Variants in ASPRV1 observed in about 807,000 individuals in gnomAD.
ASPRV1 encodes the protein aspartic peptidase retroviral like 1, also known as retroviral-like aspartic protease 1.
A neutral mutation model predicts 11.0 loss-of-function variants in ASPRV1; 7 were observed. The observed-to-expected ratio is 0.64, with a 90% CI of 0.36 to 1.20. The LOEUF (loss-of-function observed/expected upper bound fraction) is 1.20, where lower values mean the gene tolerates loss of function less well. ASPRV1 is among the 50% of genes most tolerant of loss of function. The pLI is 0.02. For synonymous variants in ASPRV1, 136 were observed against 138.4 expected, an observed-to-expected ratio of 0.98 and a Z score of 0.12; for missense variants, 299 against 320.0, an observed-to-expected ratio of 0.93 and a Z score of 0.50.
At chr2:70,086,790 T>C in the ASPRV1 span, among the ~76,000 whole-genome samples, 1 of 152,230 alleles carries the variant, frequency 6.6e-6, no homozygotes, top group African/African-American at 2.4e-5. Flanking sequence ...TGGACGCCAT[T>C]CTTTTTAGGA....
chr2:69,947,925 G>A, the ASPRV1 span, among the ~76,000 whole-genome samples: 1 of 152,182 alleles, frequency 6.6e-6, no homozygotes, highest in Non-Finnish European at 1.5e-5. Flanking sequence ...TGATTCCCCT[G>A]CCAGAAACAG....
chr2:70,035,812 T>C, the ASPRV1 span, among the ~76,000 whole-genome samples: 1 of 151,694 alleles, frequency 6.6e-6, no homozygotes, highest in East Asian at 2.0e-4. Context: ...AGCTAGCAAA[T>C]ACACAAGTGG....
At chr2:70,079,072 A>T in the ASPRV1 span, among the ~76,000 whole-genome samples, 1 of 152,204 alleles carries the variant, frequency 6.6e-6, no homozygotes, top group Non-Finnish European at 1.5e-5. Flanking sequence ...CAACTCTGAA[A>T]TGGGGAGGAC....
At chr2:70,081,268 G>A in the ASPRV1 span, 1 of 152,206 alleles carries the variant, frequency 6.6e-6, no homozygotes, top group Non-Finnish European at 1.5e-5. Flanking sequence ...GAGAAATAAA[G>A]CTCTCCTTTC....
At chr2:69,985,610 GAT>G in the ASPRV1 span, among the ~76,000 whole-genome samples, 4 of 152,194 alleles carry the variant, frequency 2.6e-5, no homozygotes, top group Admixed American at 1.3e-4. Context: ...GCTGGGCTGA[GAT>G]ATAGAACTAG....
chr2:70,078,501 AC>A, the ASPRV1 span, among the ~76,000 whole-genome samples: 1 of 152,246 alleles, frequency 6.6e-6, no homozygotes, highest in Non-Finnish European at 1.5e-5. Context: ...GGTATATTTC[AC>A]TGATTAAGTG....
the ASPRV1 span, among the ~76,000 whole-genome samples, chr2:70,080,507 G>A: frequency 8.5e-5 from 13 of 152,184 alleles, no homozygotes; most frequent in African/African-American, 2.7e-4. Context: ...GATTACAGGC[G>A]TGAGCCACTG....
At chr2:70,020,728 A>G in the ASPRV1 span, among the ~76,000 whole-genome samples, 1 of 152,076 alleles carries the variant, frequency 6.6e-6, no homozygotes, top group African/African-American at 2.4e-5. Context: ...GGCAAAAAAA[A>G]CAAAAAAGAC....
chr2:69,938,512 C>T, the ASPRV1 span: 2 of 498,536 alleles, frequency 4.0e-6, no homozygotes, highest in Non-Finnish European at 7.2e-6. Context: ...AGAGACTATA[C>T]ATTCCAATCA....
At chr2:70,027,377 T>C in the ASPRV1 span, among the ~76,000 whole-genome samples, 3 of 150,928 alleles carry the variant, frequency 2.0e-5, no homozygotes, top group South Asian at 6.3e-4. Flanking sequence ...TACCATATGA[T>C]CCAGCAATCC....
chr2:70,065,074 A>T, the ASPRV1 span, among the ~76,000 whole-genome samples: 3 of 151,814 alleles, frequency 2.0e-5, no homozygotes, highest in African/African-American at 7.3e-5. Flanking sequence ...CAGCCTGGGC[A>T]ACAGAGCCAG....
At chr2:70,057,721 C>T in the ASPRV1 span, among the ~76,000 whole-genome samples, 1 of 152,148 alleles carries the variant, frequency 6.6e-6, no homozygotes, top group South Asian at 2.1e-4. Context: ...TCAAGTGATT[C>T]ACCCGCCTCG....
chr2:70,044,942 C>T, the ASPRV1 span, among the ~76,000 whole-genome samples: 2 of 152,192 alleles, frequency 1.3e-5, no homozygotes, highest in African/African-American at 2.4e-5. Context: ...AGCAGTAAAC[C>T]AATTACCAGT....
At chr2:70,083,953 T>C in the ASPRV1 span, among the ~76,000 whole-genome samples, 67 of 152,250 alleles carry the variant, frequency 4.4e-4, no homozygotes, top group African/African-American at 1.6e-3. Flanking sequence ...AATGACCTCT[T>C]TGCCAGACCA....
At chr2:69,969,549 A>G in the ASPRV1 span, among the ~76,000 whole-genome samples, 4 of 152,124 alleles carry the variant, frequency 2.6e-5, no homozygotes, top group Non-Finnish European at 4.4e-5. Context: ...GGATACTCAC[A>G]GATGTGGCTC....
At chr2:70,070,687 G>C in the ASPRV1 span, 1 of 157,798 alleles carries the variant, frequency 6.3e-6, no homozygotes, top group African/African-American at 2.4e-5. Flanking sequence ...AGGAGGCTGA[G>C]GCAGGAGAAT....
the ASPRV1 span, chr2:69,942,154 A>T: frequency 6.6e-6 from 1 of 151,974 alleles, no homozygotes. Context: ...TTCTTTTTCT[A>T]TGTTTGACTC....
At chr2:69,938,061 T>A in the ASPRV1 span, 1 of 1,601,090 alleles carries the variant, frequency 6.2e-7, no homozygotes, top group South Asian at 1.1e-5. Flanking sequence ...TGCAGAGCGC[T>A]TTCATCAATG....
the ASPRV1 span, among the ~76,000 whole-genome samples, chr2:70,058,453 G>A: frequency 0.038 from 5,729 of 152,288 alleles, 370 homozygotes; most frequent in African/African-American, 0.13. Context: ...ATGTGGGCCA[G>A]GCTGGCCTGG....
Sources: gnomAD v4.1 joint callset for allele counts (sites outside exome capture counted in the v4.1 genomes callset) on GRCh38, gnomAD v4.1.1 for gene constraint, MANE v1.5 for transcripts, NCBI Gene and HGNC (gene_info 2026-07-23, HGNC 2026-07-21) for gene names.